DNAH5: variants seen among roughly 807,000 people sequenced by gnomAD.
The protein encoded by DNAH5 is axonemal beta dynein heavy chain 5.
In DNAH5, 372 loss-of-function variants were observed where a neutral mutation model predicts 518.2. The ratio of observed to expected loss-of-function variants is 0.72; its 90% confidence interval spans 0.66 to 0.78. The LOEUF (loss-of-function observed/expected upper bound fraction) is 0.78. Ranked by LOEUF, DNAH5 falls within the 30% of genes least tolerant of loss-of-function variation. DNAH5 has a pLI of 0.00. For missense variants in DNAH5, 5,523 were observed against 5,687.0 expected, an observed-to-expected ratio of 0.97 and a Z score of 0.93; for synonymous variants, 2,039 against 2,025.9, an observed-to-expected ratio of 1.01 and a Z score of -0.17.
At chr5:13,723,336 T>C (rs1274965062) in intron 70 of DNAH5, among the ~76,000 whole-genome samples, 2 of 152,334 alleles carry the variant, frequency 1.3e-5, no homozygotes, top group African/African-American at 4.8e-5. Flanking sequence ...CTTCAAAGGC[T>C]GGACACTGAG....
chr5:13,969,158 G>T (rs967998390), intron 1 of DNAH5, among the ~76,000 whole-genome samples: 2 of 152,114 alleles, frequency 1.3e-5, no homozygotes, highest in African/African-American at 4.8e-5. Flanking sequence ...GGTATCAGTT[G>T]TAACATCTCC....
At position 13,793,472 on chromosome 5, in the gene DNAH5, T is replaced by G. The variant is rs757243009; in HGVS notation, c.8224+43A>C. On this transcript the variant is annotated intron_variant, in intron 49 of 78. Coordinates refer to ENST00000265104, the MANE Select transcript of DNAH5 (RefSeq NM_001369.3). ...ATTTTCAAAAAGGAACCCAAGCAGG[T>G]GTTCTTCCTCACCCTCCCACCCCAC... The G allele has an allele frequency of 1.6e-5, 25 of 1,537,230 alleles. No individual in the cohort carries two copies. The East Asian group carries it at 5.6e-4, about 35-fold the overall frequency.
chr5:13,814,613 T>C lies in DNAH5; in HGVS notation c.7222A>G (p.Ile2408Val). The C allele has an allele frequency of 2.5e-6, 4 of 1,613,660 alleles. No individual in the cohort carries two copies. The highest frequency in any genetic ancestry group is 2.2e-5 in the South Asian group (2 of 91,068). Residue 2408 changes from isoleucine (I) to valine (V), a missense_variant, in exon 43 of 79, where the codon ATT (isoleucine) becomes GTT (valine). Ile to Val is a conservative substitution (Grantham distance 29). Coordinates refer to ENST00000265104, the MANE Select transcript of DNAH5 (RefSeq NM_001369.3). Reference protein sequence around the residue: ...MSSSILDWSPILEGFLKKRSP... With the variant: ...MSSSILDWSPVLEGFLKKRSP... ...GAAGGATTCAATTATACCTCAAGAA[T>C]AGGACTCCAATCAAGGATAGAAGAG...
At chr5:13,750,837 G>A (rs1750109784) in intron 65 of DNAH5, among the ~76,000 whole-genome samples, 1 of 152,132 alleles carries the variant, frequency 6.6e-6, no homozygotes, top group South Asian at 2.1e-4. Flanking sequence ...TTCATCATCA[G>A]TCTGTATAAA....
At chr5:13,705,567 T>C (rs896154775) in intron 76 of DNAH5, among the ~76,000 whole-genome samples, 4 of 152,234 alleles carry the variant, frequency 2.6e-5, no homozygotes, top group Non-Finnish European at 5.9e-5. Context: ...CTGTTGAGAA[T>C]GGCTTCCATG....
intron 1 of DNAH5, among the ~76,000 whole-genome samples, chr5:13,976,434 C>T (rs1782247636): frequency 6.6e-6 from 1 of 152,040 alleles, no homozygotes; most frequent in Admixed American, 6.6e-5. Context: ...TCCAGAGTAC[C>T]CATGCTGTAT....
intron 1 of DNAH5, among the ~76,000 whole-genome samples, chr5:13,955,456 A>T (rs1055094439): frequency 7.2e-5 from 11 of 152,236 alleles, no homozygotes; most frequent in Middle Eastern, 3.2e-3. Context: ...CAAACAAAGA[A>T]TGGAAGAAAA....
intron 19 of DNAH5, among the ~76,000 whole-genome samples, chr5:13,883,670 G>A (rs1048597484): frequency 6.6e-5 from 10 of 152,332 alleles, no homozygotes; most frequent in East Asian, 3.9e-4. Context: ...GTATGTATAT[G>A]TGTCTGTGTA....
chr5:13,899,491 A>G (rs1774307046), intron 15 of DNAH5: 1 of 152,350 alleles, frequency 6.6e-6, no homozygotes, highest in Admixed American at 6.5e-5. Flanking sequence ...CTCCAGACTT[A>G]AGTATCCAAC....
chr5:13,962,572 A>G (rs182137651), intron 1 of DNAH5, among the ~76,000 whole-genome samples: 1 of 152,366 alleles, frequency 6.6e-6, no homozygotes, highest in East Asian at 1.9e-4. Context: ...GACAGACTTC[A>G]GTACTGAGCT....
At chr5:13,790,188 C>G (rs576147245) in intron 50 of DNAH5, among the ~76,000 whole-genome samples, 1 of 152,140 alleles carries the variant, frequency 6.6e-6, no homozygotes, top group Non-Finnish European at 1.5e-5. Context: ...ACCCAGAAAT[C>G]CCATTACAGG....
At position 13,817,540 on chromosome 5, in the gene DNAH5, T is replaced by A; in HGVS notation, c.6988+8A>T. 1 of 1,613,706 alleles carries A rather than the reference T, an allele frequency of 6.2e-7. No individual in the cohort carries two copies. The highest frequency in any genetic ancestry group is 1.1e-5 in the South Asian group (1 of 91,072). The stretch of plus-strand genomic sequence containing the variant: ...AATCAAAAATAATCCTTGTAATTTA[T>A]CTTCTACCTTTCTTTGCTCTTAATG... On this transcript the variant is annotated splice_region_variant and intron_variant, in intron 42 of 78. Coordinates refer to ENST00000265104, the MANE Select transcript of DNAH5 (RefSeq NM_001369.3).
chr5:13,967,086 T>G (rs1405802137), intron 1 of DNAH5, among the ~76,000 whole-genome samples: 1 of 152,202 alleles, frequency 6.6e-6, no homozygotes, highest in African/African-American at 2.4e-5. Flanking sequence ...GGTCTCAAAC[T>G]CCTCACCTCA....
chr5:13,842,146 G>A (rs111290142), intron 32 of DNAH5, among the ~76,000 whole-genome samples: 1,739 of 151,786 alleles, frequency 0.011, 30 homozygotes, highest in African/African-American at 0.04. Context: ...TTGGGAGGCC[G>A]CTCTAGGTGG....
chr5:13,922,185 GT>G lies in DNAH5; in HGVS notation c.581del (p.Asn194ThrfsTer7). 6.2e-7 allele frequency: 1 copy of G among 1,614,082 alleles called. No homozygotes were observed. The highest frequency in any genetic ancestry group is 8.5e-7 in the Non-Finnish European group (1 of 1,180,006). On this transcript the variant is annotated frameshift_variant, in exon 5 of 79. Transcript: ENST00000265104. LOFTEE classifies it high-confidence loss of function. ...GGGAGCTCAAGAACTCCTGGCGAAT[GT>G]TAGCTGCGTCCTGAAGGCCCTCGAG... ...GELEGLQDAA[N>X]IRQEFLSSLE...
At position 13,719,085 on chromosome 5, in the gene DNAH5, AG is replaced by A. The variant is rs1285287334; in HGVS notation, c.12295del (p.Leu4099CysfsTer14). 1 of 1,614,096 alleles carries A rather than the reference AG, an allele frequency of 6.2e-7. No individual in the cohort carries two copies. Among genetic ancestry groups the A allele is most frequent in the Non-Finnish European group, 8.5e-7 (1 of 1,179,976 alleles). The stretch of plus-strand genomic sequence containing the variant: ...ATCAAGTCCCAGATGGCAGTTCTGC[AG>A]AAGTGCCCATCCTCCCTGTCAATAG... ...QTMANGGWAL[L>X]QNCHLGLDFM... On this transcript the variant is annotated frameshift_variant, in exon 72 of 79. Coordinates refer to ENST00000265104, the MANE Select transcript of DNAH5 (RefSeq NM_001369.3). LOFTEE classifies it high-confidence loss of function.
At chr5:13,865,401 T>C (rs1424194819) in intron 27 of DNAH5, among the ~76,000 whole-genome samples, 1 of 152,154 alleles carries the variant, frequency 6.6e-6, no homozygotes, top group Non-Finnish European at 1.5e-5. Context: ...GTTTCATAAG[T>C]GTAATATAAA....
At chr5:13,896,874 T>C (rs796586739) in intron 15 of DNAH5, 5 of 152,306 alleles carry the variant, frequency 3.3e-5, no homozygotes, top group African/African-American at 1.2e-4. Flanking sequence ...GCCCCATAAA[T>C]ACAGTTGGTA....
At chr5:13,820,114 CAT>C (rs1268408436) in intron 41 of DNAH5, among the ~76,000 whole-genome samples, 30 of 152,100 alleles carry the variant, frequency 2.0e-4, no homozygotes, top group Non-Finnish European at 2.5e-4. Context: ...AATTACATAA[CAT>C]ATGTAAAACA....
Sources: gnomAD v4.1 joint callset for allele counts (sites outside exome capture counted in the v4.1 genomes callset) on GRCh38, gnomAD v4.1.1 for gene constraint, MANE v1.5 for transcripts, NCBI Gene and HGNC (gene_info 2026-07-23, HGNC 2026-07-21) for gene names.